Variants in AKAP13 observed in about 807,000 individuals in gnomAD.
AKAP13 encodes the protein A-kinase anchoring protein 13, also known as A-kinase anchor protein 13.
In AKAP13, 80 loss-of-function variants were observed where a neutral mutation model predicts 264.5. That is an observed-to-expected ratio of 0.30 (90% confidence interval 0.25 to 0.36). The LOEUF is 0.36. AKAP13 is among the 10% of genes least tolerant of loss of function. The pLI, the probability that AKAP13 is intolerant of heterozygous loss-of-function variation, is 1.00. For missense variants in AKAP13, 3,712 were observed against 3,435.2 expected (o/e 1.08, Z -2.01); for synonymous variants, 1,380 against 1,250.2 (o/e 1.10, Z -2.19).
intron 34 of AKAP13, 68 bp from the exon 35 acceptor site, chr15:85,740,978 G>C: frequency 1.3e-6 from 2 of 1,540,108 alleles, no homozygotes; most frequent in Non-Finnish European, 1.8e-6. Flanking sequence ...CTGTGGGGTC[G>C]GGAGGGATCC....
intron 2 of AKAP13, among the ~76,000 whole-genome samples, chr15:85,486,442 A>G (rs2075547777): frequency 6.6e-6 from 1 of 152,174 alleles, no homozygotes; most frequent in African/African-American, 2.4e-5. Context: ...TTGTAAGGGA[A>G]GAGTCCAACT....
At position 85,664,667 on chromosome 15, in the gene AKAP13, G is replaced by C. The variant is rs1301202455; in HGVS notation, c.4904G>C (p.Ser1635Thr). The change falls in exon 13 of 37, where the codon AGT becomes ACT. Residue 1635 changes from serine (S) to threonine (T), a missense_variant. This residue lies in a region of AKAP13 where 2,759 missense variants were observed against 2,411.7 expected (regional missense o/e 1.14). Transcript: ENST00000394518. ...GCCGAAGAGCTCAGACACCCATTCA[G>C]TGGTGAGGAACGGGTTGACTCTTTG... is the stretch of plus-strand genomic sequence containing the variant. The part of the protein sequence containing the change: ...ANAEELRHPF[S>T]GEERVDSLVS... The C allele has an allele frequency of 9.3e-6, 15 of 1,614,170 alleles. No individual in the cohort carries two copies. The highest frequency in any genetic ancestry group is 1.3e-5 in the Non-Finnish European group (15 of 1,179,980).
chr15:85,540,678 C>T (rs1025692546), intron 4 of AKAP13, among the ~76,000 whole-genome samples: 1 of 152,236 alleles, frequency 6.6e-6, no homozygotes, highest in Non-Finnish European at 1.5e-5. Context: ...TGGAAGCTTT[C>T]ATGCTCTTAA....
At chr15:85,476,940 A>G (rs2075182660) in intron 1 of AKAP13, among the ~76,000 whole-genome samples, 1 of 152,114 alleles carries the variant, frequency 6.6e-6, no homozygotes, top group South Asian at 2.1e-4. Context: ...ATTTAGGAAT[A>G]TGGGTCCCAG....
rs2076817120 is a variant in AKAP13 at position 85,521,328 on chromosome 15, A to C, written c.34-100A>C. Reference sequence around the variant, plus strand: ...TTACCAGAATGGGGGCATGGTTTAGATGATAAATTTGATTTTCCCTTAAAT... The same window carrying C: ...TTACCAGAATGGGGGCATGGTTTAGCTGATAAATTTGATTTTCCCTTAAAT... On this transcript the variant is annotated intron_variant, in intron 2 of 36. Transcript: ENST00000394518. 2.1e-6 allele frequency: 3 copies of C among 1,401,994 alleles called. No individual in the cohort carries two copies. In the South Asian group the frequency reaches 3.9e-5, roughly 18 times the overall value. The allele number at this position is 1,401,994 out of a possible 1,614,324, so 86.8% of individuals were successfully genotyped here.
intron 35 of AKAP13, among the ~76,000 whole-genome samples, chr15:85,741,777 C>T (rs979806201): frequency 1.3e-4 from 19 of 151,004 alleles, no homozygotes; most frequent in African/African-American, 4.6e-4. Context: ...GACACAATGG[C>T]TCACACCTAT....
chr15:85,644,079 A>G (rs186912946), intron 9 of AKAP13, among the ~76,000 whole-genome samples: 1 of 152,048 alleles, frequency 6.6e-6, no homozygotes, highest in Non-Finnish European at 1.5e-5. Context: ...CAAAACCTCC[A>G]AGTAGAGTTC....
At chr15:85,455,599 A>G (rs2074254900) in intron 1 of AKAP13, among the ~76,000 whole-genome samples, 1 of 152,178 alleles carries the variant, frequency 6.6e-6, no homozygotes, top group Admixed American at 6.5e-5. Context: ...TCAAATTCAG[A>G]CACAGTGTTT....
Position 85,745,435 on chromosome 15 carries a change from T to A in AKAP13, c.*758T>A, listed in dbSNP as rs2089341582. 6.6e-6 allele frequency: 1 copy of A among 152,090 alleles called. No homozygotes were observed. The highest frequency in any genetic ancestry group is 1.5e-5 in the Non-Finnish European group (1 of 68,016). 9.4% of individuals were successfully genotyped at this position (152,090 alleles called of 1,614,324 possible). The stretch of plus-strand genomic sequence containing the variant: ...TAAAGCAACAAAACAACCCATAGTA[T>A]CTCATTCTGTCATCAGATCCAGAAG... On this transcript the variant is annotated 3_prime_UTR_variant, in exon 37 of 37. Coordinates refer to ENST00000394518, the MANE Select transcript of AKAP13 (RefSeq NM_007200.5).
chr15:85,440,940 A>G (rs887105638), intron 1 of AKAP13, among the ~76,000 whole-genome samples: 4 of 152,226 alleles, frequency 2.6e-5, no homozygotes, highest in African/African-American at 9.6e-5. Context: ...TATAGCAGTT[A>G]TAAGAGCCCA....
At chr15:85,582,910 T>C (rs1425944662) in intron 7 of AKAP13, 1 of 985,456 alleles carries the variant, frequency 1.0e-6, no homozygotes, top group Non-Finnish European at 1.2e-6. Flanking sequence ...AGCAGATTGC[T>C]CACACAGCAG....
chr15:85,540,330 G>A (rs893454844), intron 4 of AKAP13, among the ~76,000 whole-genome samples: 1 of 152,124 alleles, frequency 6.6e-6, no homozygotes, highest in Non-Finnish European at 1.5e-5. Context: ...GATGCAGTGG[G>A]ATTATCCTGC....
chr15:85,731,991 G>C (rs1348493691), intron 30 of AKAP13, among the ~76,000 whole-genome samples: 1 of 151,164 alleles, frequency 6.6e-6, no homozygotes, highest in Non-Finnish European at 1.5e-5. Flanking sequence ...GCTGAGGCAG[G>C]AGAATCGCTT....
intron 17 of AKAP13, among the ~76,000 whole-genome samples, chr15:85,703,853 A>AAAAT (rs1555461458): frequency 9.8e-5 from 14 of 142,536 alleles, no homozygotes; most frequent in African/African-American, 2.5e-4. Flanking sequence ...AAAAAAAAAA[A>AAAAT]ATATATATAT....
At chr15:85,703,240 A>T (rs141612112) in intron 17 of AKAP13, among the ~76,000 whole-genome samples, 1 of 152,204 alleles carries the variant, frequency 6.6e-6, no homozygotes, top group African/African-American at 2.4e-5. Context: ...TAAAATACAT[A>T]TAGTTGATTA....
rs2087049969 is a variant in AKAP13, at chr15:85,717,947, C to A, written c.5849-60C>A. ...AACTATCATCTTGAGGAAAGTCCAA[C>A]ATAGGCTTATTTTACAGGTCACAAA... On this transcript the variant is annotated intron_variant, in intron 21 of 36. Coordinates refer to ENST00000394518, the MANE Select transcript of AKAP13 (RefSeq NM_007200.5). 5 of 1,553,276 alleles carry A rather than the reference C, an allele frequency of 3.2e-6. No individual in the cohort carries two copies. In the South Asian group the frequency reaches 5.7e-5, roughly 18 times the overall value.
rs1182459829 is a variant in AKAP13 at position 85,396,720 on chromosome 15, G to A, written c.-12+15922G>A. 5.9e-5 allele frequency among the ~76,000 whole-genome samples: 9 copies of A among 152,076 alleles called. No individual in the cohort carries two copies. In the East Asian group the frequency reaches 1.5e-3, roughly 26 times the overall value. ...ATGAAACAGACAACTTTAACTCAAA[G>A]CAAATGAGTGCTGAGTAGCCTGTTT... is the stretch of plus-strand genomic sequence containing the variant. On this transcript the variant is annotated intron_variant, in intron 1 of 36. Transcript: ENST00000394518.
rs142137131 is a variant in AKAP13 at position 85,696,858 on chromosome 15, A to G, written c.5464+3407A>G. ...TGGGAGCTGGGACTGAGACCCCTGT[A>G]TAAGAAATGCTGTTTTAAGACTAAC... On this transcript the variant is annotated intron_variant, in intron 17 of 36. Transcript: ENST00000394518. 7.2e-5 allele frequency among the ~76,000 whole-genome samples: 11 copies of G among 152,286 alleles called. No homozygotes were observed. In the East Asian group the frequency reaches 2.1e-3, roughly 29 times the overall value.
chr15:85,597,712 G>C (rs117203552), intron 8 of AKAP13, among the ~76,000 whole-genome samples: 5 of 152,286 alleles, frequency 3.3e-5, no homozygotes, highest in South Asian at 4.1e-4. Context: ...GATCTGGGTA[G>C]ACTGAGGATT....
Sources: gnomAD v4.1 joint callset for allele counts (sites outside exome capture counted in the v4.1 genomes callset) on GRCh38, gnomAD v4.1.1 for gene constraint, gnomAD v4.1.1 regional missense constraint, MANE v1.5 for transcripts, NCBI Gene and HGNC (gene_info 2026-07-23, HGNC 2026-07-21) for gene names.